The following APBB2 variants were observed in gnomAD, a reference collection of about 807,000 sequenced individuals.
APBB2 encodes Fe65-like 1.
Under a neutral mutation model 82.5 loss-of-function variants are expected in APBB2, and 38 were observed. The observed-to-expected ratio is 0.46, with a 90% CI of 0.36 to 0.60. The LOEUF (loss-of-function observed/expected upper bound fraction) is 0.60. Ranked by LOEUF, APBB2 falls within the 20% of genes least tolerant of loss-of-function variation. The pLI, the probability that APBB2 is intolerant of heterozygous loss-of-function variation, is 0.00. For missense variants in APBB2, 772 were observed against 972.3 expected (o/e 0.79, Z 2.74); for synonymous variants, 341 against 368.2 (o/e 0.93, Z 0.85).
chr4:40,928,507 G>A (rs1039064636), intron 10 of APBB2, among the ~76,000 whole-genome samples: 2 of 151,944 alleles, frequency 1.3e-5, no homozygotes, highest in Admixed American at 6.6e-5. Context: ...TGAACCAGGA[G>A]GCAGAGGTTG....
chr4:40,854,078 T>C (rs1760358217), intron 12 of APBB2, among the ~76,000 whole-genome samples: 1 of 152,204 alleles, frequency 6.6e-6, no homozygotes, highest in South Asian at 2.1e-4. Flanking sequence ...CATTAGACTA[T>C]AAATATTAAG....
At chr4:40,913,507 C>G (rs1185644585) in intron 10 of APBB2, among the ~76,000 whole-genome samples, 2 of 152,128 alleles carry the variant, frequency 1.3e-5, no homozygotes, top group Non-Finnish European at 1.5e-5. Context: ...ACACTCCATC[C>G]CCATCATGTG....
chr4:40,904,537 G>GCAAGCTTTTCAAGATTCAAATTCAAAAAA (rs1560849673), intron 10 of APBB2, among the ~76,000 whole-genome samples: 2 of 151,866 alleles, frequency 1.3e-5, no homozygotes, highest in African/African-American at 2.4e-5. Context: ...CAAAAAACAG[G>GCAAGCTTTTCAAGATTCAAATTCAAAAAA]CAAGCTTTTC....
Position 40,945,041 on chromosome 4 carries a change from CAGTCTGAAATGAGTGAT to C in APBB2, c.851_867del (p.Asp284GlyfsTer13). ...TTCCAGCCAGGCGGCAAATCTGGAT[CAGTCTGAAATGAGTGAT>C]CACTCCATATATCTGCTGAAAAATT... On this transcript the variant is annotated frameshift_variant, in exon 7 of 18. Coordinates refer to ENST00000508593, the MANE Select transcript of APBB2 (RefSeq NM_004307.2). LOFTEE classifies it high-confidence loss of function. 1 of 1,597,012 alleles carries C rather than the reference CAGTCTGAAATGAGTGAT, an allele frequency of 6.3e-7. No homozygotes were observed. Among genetic ancestry groups the C allele is most frequent in the Non-Finnish European group, 8.5e-7 (1 of 1,176,244 alleles).
intron 12 of APBB2, among the ~76,000 whole-genome samples, chr4:40,889,537 T>C (rs969450464): frequency 3.9e-5 from 6 of 152,224 alleles, no homozygotes; most frequent in South Asian, 2.1e-4. Context: ...TATCATCCTA[T>C]AGCTCGTCCC....
chr4:40,835,313 C>T (rs1241164423), intron 12 of APBB2, among the ~76,000 whole-genome samples: 2 of 151,706 alleles, frequency 1.3e-5, no homozygotes, highest in Non-Finnish European at 2.9e-5. Flanking sequence ...CTTCTACAAG[C>T]ACCTTCTAGC....
At chr4:41,209,473 A>G (rs1474092645) in intron 1 of APBB2, among the ~76,000 whole-genome samples, 1 of 152,242 alleles carries the variant, frequency 6.6e-6, no homozygotes, top group Non-Finnish European at 1.5e-5. Context: ...GTCAAATGAG[A>G]GTGAAAGTCG....
At chr4:40,937,484 T>C (rs184698420) in intron 7 of APBB2, among the ~76,000 whole-genome samples, 1 of 152,342 alleles carries the variant, frequency 6.6e-6, no homozygotes, top group Admixed American at 6.5e-5. Flanking sequence ...TCTCATGTTA[T>C]GGAAACATGA....
At position 41,037,231 on chromosome 4, in the gene APBB2, A is replaced by G. The variant is rs116630014; in HGVS notation, c.-50-3927T>C. Among the ~76,000 whole-genome samples the G allele has an allele frequency of 4.1e-3, 624 of 152,328 alleles. 6 individuals carry two copies. The highest frequency in any genetic ancestry group is 0.015 in the African/African-American group (603 of 41,570). On this transcript the variant is annotated intron_variant, in intron 4 of 17. Coordinates refer to ENST00000508593, the MANE Select transcript of APBB2 (RefSeq NM_004307.2). Reference sequence around the variant, plus strand: ...TACAGATCAAGTATTTCCAATGAATATTGCATCCAAGTTGATTGCTGTGAG... The same window carrying G: ...TACAGATCAAGTATTTCCAATGAATGTTGCATCCAAGTTGATTGCTGTGAG...
At chr4:41,148,684 A>G (rs1029294545) in intron 1 of APBB2, among the ~76,000 whole-genome samples, 5 of 152,202 alleles carry the variant, frequency 3.3e-5, no homozygotes, top group African/African-American at 1.2e-4. Context: ...AGGTATTGTG[A>G]CGTTCCCAAT....
At chr4:41,110,420 C>G (rs573623291) in intron 2 of APBB2, among the ~76,000 whole-genome samples, 3 of 152,114 alleles carry the variant, frequency 2.0e-5, no homozygotes, top group East Asian at 3.9e-4. Flanking sequence ...CTGGCCAACA[C>G]AGTGAAACCC....
intron 3 of APBB2, among the ~76,000 whole-genome samples, chr4:41,094,117 C>A (rs911731883): frequency 9.9e-5 from 15 of 151,984 alleles, no homozygotes; most frequent in Middle Eastern, 3.4e-3. Context: ...TTTTATTTGT[C>A]AATAAAAATA....
At chr4:40,822,732 C>T (rs748260549) in intron 16 of APBB2, among the ~76,000 whole-genome samples, 14 of 152,184 alleles carry the variant, frequency 9.2e-5, no homozygotes, top group Non-Finnish European at 1.8e-4. Context: ...GGATCATTAA[C>T]ATCTTGACTA....
At chr4:41,154,942 C>G (rs940205345) in intron 1 of APBB2, among the ~76,000 whole-genome samples, 5 of 152,170 alleles carry the variant, frequency 3.3e-5, no homozygotes, top group Non-Finnish European at 7.4e-5. Context: ...ACGGGGCACC[C>G]TAGGGCCTGG....
intron 2 of APBB2, among the ~76,000 whole-genome samples, chr4:41,114,577 C>A (rs527646308): frequency 3.2e-4 from 48 of 152,290 alleles, no homozygotes; most frequent in Admixed American, 2.9e-3. Context: ...AAAGCCCCAT[C>A]ATTTCAGCCC....
chr4:41,021,293 G>A (rs1203138541), intron 5 of APBB2, among the ~76,000 whole-genome samples: 1 of 152,216 alleles, frequency 6.6e-6, no homozygotes, highest in Non-Finnish European at 1.5e-5. Flanking sequence ...GAAGTGGCTA[G>A]AGCAGTCATC....
intron 4 of APBB2, among the ~76,000 whole-genome samples, chr4:41,046,710 C>T (rs779846043): frequency 1.2e-4 from 18 of 152,250 alleles, no homozygotes; most frequent in Non-Finnish European, 1.9e-4. Context: ...AAGGATCTCA[C>T]GGTTCCCCAT....
chr4:40,986,729 C>T (rs940646029), intron 6 of APBB2, among the ~76,000 whole-genome samples: 11 of 152,144 alleles, frequency 7.2e-5, no homozygotes, highest in African/African-American at 2.7e-4. Flanking sequence ...CTCATGAGTG[C>T]CACCTAAATA....
chr4:40,864,853 C>CTTT (rs571511868), intron 12 of APBB2, among the ~76,000 whole-genome samples: 1 of 125,266 alleles, frequency 8.0e-6, no homozygotes. Flanking sequence ...ACGTTTGATT[C>CTTT]TTTTTTTTTT....
Sources: allele counts gnomAD v4.1 joint callset (sites outside exome capture counted in the v4.1 genomes callset), GRCh38; gene constraint gnomAD v4.1.1; transcripts MANE v1.5; gene names NCBI Gene and HGNC (gene_info 2026-07-23, HGNC 2026-07-21).